Variants in MIR2052HG observed in about 807,000 individuals in gnomAD.
The protein encoded by MIR2052HG is MIR2052 host gene.
chr8:74,686,615 A>C (rs900478409), intron 2 of MIR2052HG, among the ~76,000 whole-genome samples: 3 of 152,050 alleles, frequency 2.0e-5, no homozygotes, highest in African/African-American at 7.2e-5. Context: ...TCTTGAATCT[A>C]TTCTTCAGTT....
intron 2 of MIR2052HG, among the ~76,000 whole-genome samples, chr8:74,655,033 G>A (rs1005767128): frequency 7.2e-5 from 11 of 152,154 alleles, no homozygotes; most frequent in African/African-American, 2.4e-4. Flanking sequence ...GAGACTGGTG[G>A]CATTTTGCCC....
At chr8:74,704,715 G>T (rs147003824) in intron 4 of MIR2052HG, among the ~76,000 whole-genome samples, 153 of 152,066 alleles carry the variant, frequency 1.0e-3, no homozygotes, top group African/African-American at 3.3e-3. Context: ...CCAAAACTTG[G>T]TTGAAATGTT....
At chr8:74,680,657 A>G (rs1010257105) in intron 2 of MIR2052HG, among the ~76,000 whole-genome samples, 2 of 152,186 alleles carry the variant, frequency 1.3e-5, no homozygotes, top group African/African-American at 4.8e-5. Flanking sequence ...CAGTGTGGCA[A>G]TTCCTCAGGG....
rs946305298 is a variant in MIR2052HG, at chr8:74,633,148, T to C, written n.216+20208T>C. On this transcript the variant is annotated intron_variant and non_coding_transcript_variant, in intron 2 of 6. Transcript: ENST00000523442. The stretch of plus-strand genomic sequence containing the variant: ...AGTCCTCCCACCTCAGTTTTCTGAG[T>C]AGCTGGGACCACAGGCATGTGCCAC... 1.6e-4 allele frequency: 25 copies of C among 152,440 alleles called. 1 individual carries two copies. The highest frequency in any genetic ancestry group is 1.5e-3 in the Admixed American group (23 of 15,246). The allele number at this position is 152,440 out of a possible 1,614,324, so 9.4% of individuals were successfully genotyped here.
chr8:74,607,723 G>A, intron 1 of MIR2052HG, among the ~76,000 whole-genome samples: 2 of 152,162 alleles, frequency 1.3e-5, no homozygotes, highest in East Asian at 3.8e-4. Context: ...TAGTATAAGT[G>A]AAATACAGGT....
chr8:74,674,642 ATCTC>A (rs1396478594), intron 2 of MIR2052HG, among the ~76,000 whole-genome samples: 2 of 151,594 alleles, frequency 1.3e-5, no homozygotes, highest in African/African-American at 2.4e-5. Context: ...TATAACTTAG[ATCTC>A]TCTCATATTC....
intron 1 of MIR2052HG, among the ~76,000 whole-genome samples, chr8:74,606,756 A>T (rs142795498): frequency 1.8e-3 from 271 of 152,322 alleles, no homozygotes; most frequent in Non-Finnish European, 2.7e-3. Flanking sequence ...CTGGGTGACA[A>T]TCTGTGCAAC....
intron 4 of MIR2052HG, among the ~76,000 whole-genome samples, chr8:74,736,164 C>T (rs1242366539): frequency 1.3e-5 from 2 of 152,122 alleles, no homozygotes. Flanking sequence ...GAGACACAGT[C>T]CCTGAGTCCC....
intron 2 of MIR2052HG, chr8:74,702,307 T>C (rs7827641): frequency 0.074 from 25,338 of 342,688 alleles, 2,565 homozygotes; most frequent in African/African-American, 0.31. Flanking sequence ...CATAGTTATA[T>C]TGGATGATAT....
intron 4 of MIR2052HG, among the ~76,000 whole-genome samples, chr8:74,706,348 G>T (rs1425046508): frequency 6.6e-6 from 1 of 152,060 alleles, no homozygotes; most frequent in Non-Finnish European, 1.5e-5. Flanking sequence ...AAATCTCCAT[G>T]AGCAACCCCC....
chr8:74,715,088 T>C (rs1367300100), intron 4 of MIR2052HG, among the ~76,000 whole-genome samples: 1 of 152,126 alleles, frequency 6.6e-6, no homozygotes, highest in East Asian at 1.9e-4. Flanking sequence ...TGAAAACATA[T>C]ATTCAAAGAG....
chr8:74,735,531 G>T (rs980839507), intron 4 of MIR2052HG, among the ~76,000 whole-genome samples: 2 of 152,322 alleles, frequency 1.3e-5, no homozygotes, highest in Admixed American at 6.5e-5. Flanking sequence ...CACTCTTTCT[G>T]TTGGCACCAT....
At chr8:74,629,386 G>A (rs1236558389) in intron 2 of MIR2052HG, among the ~76,000 whole-genome samples, 2 of 152,020 alleles carry the variant, frequency 1.3e-5, no homozygotes, top group African/African-American at 4.8e-5. Flanking sequence ...GGGGCACTTA[G>A]CCAGGTTGCA....
chr8:74,648,142 T>C (rs968468774), intron 2 of MIR2052HG, among the ~76,000 whole-genome samples: 3 of 152,140 alleles, frequency 2.0e-5, no homozygotes, highest in African/African-American at 7.2e-5. Context: ...TATAGACAGA[T>C]ATGTGAGTAG....
chr8:74,702,999 G>T (rs377006252), intron 3 of MIR2052HG, among the ~76,000 whole-genome samples: 1 of 152,060 alleles, frequency 6.6e-6, no homozygotes, highest in African/African-American at 2.4e-5. Flanking sequence ...GTTCTGCAAC[G>T]TTTTGGATGT....
At chr8:74,749,608 T>G (rs1809923684) in intron 4 of MIR2052HG, among the ~76,000 whole-genome samples, 1 of 152,094 alleles carries the variant, frequency 6.6e-6, no homozygotes. Context: ...CCCAGCACTT[T>G]GGGAGGCTGA....
intron 2 of MIR2052HG, among the ~76,000 whole-genome samples, chr8:74,685,491 G>A (rs1445138246): frequency 6.6e-6 from 1 of 152,076 alleles, no homozygotes; most frequent in African/African-American, 2.4e-5. Context: ...TGTGTGGTTG[G>A]AATCTGGCAT....
intron 2 of MIR2052HG, among the ~76,000 whole-genome samples, chr8:74,654,606 A>G (rs943710829): frequency 2.0e-5 from 3 of 152,058 alleles, no homozygotes; most frequent in African/African-American, 4.8e-5. Flanking sequence ...TGCCGCTGTT[A>G]TGTAAGGAGT....
chr8:74,604,127 G>A, intron 1 of MIR2052HG: 3 of 893,996 alleles, frequency 3.4e-6, no homozygotes, highest in Middle Eastern at 2.1e-4. Context: ...CTCTCCTCGC[G>A]CATCTTCTTA....
Sources: allele counts gnomAD v4.1 joint callset (sites outside exome capture counted in the v4.1 genomes callset), GRCh38; gene constraint gnomAD v4.1.1; transcripts MANE v1.5; gene names NCBI Gene and HGNC (gene_info 2026-07-23, HGNC 2026-07-21).